RPGRIP1L: variants seen among roughly 807,000 people sequenced by gnomAD.
RPGRIP1L encodes protein fantom.
Under a neutral mutation model 160.4 loss-of-function variants are expected in RPGRIP1L, and 131 were observed. That is an observed-to-expected ratio of 0.82 (90% CI 0.71 to 0.94). The LOEUF (loss-of-function observed/expected upper bound fraction) is 0.94. Among genes scored for constraint, RPGRIP1L ranks in the 40% least tolerant of loss-of-function variants. The probability of loss-of-function intolerance (pLI) is 0.00; values close to 1 mark genes in which losing one functional copy is unlikely to be tolerated. For synonymous variants in RPGRIP1L, 510 were observed against 515.8 expected, an observed-to-expected ratio of 0.99 and a Z score of 0.15; for missense variants, 1,522 against 1,535.8, an observed-to-expected ratio of 0.99 and a Z score of 0.15.
In RPGRIP1L at chr16:53,648,964, C is replaced by T. The variant is rs770503381; in HGVS notation, c.2304G>A (p.Ser768=). 6.8e-5 allele frequency: 109 copies of T among 1,613,384 alleles called. No individual in the cohort carries two copies. Among genetic ancestry groups the T allele is most frequent in the South Asian group, 3.6e-4 (33 of 91,080 alleles). ...GGGTCTTAAAGCCAAATGAGCTTAC[C>T]GACTGCATATGCTCTGGCCCCTTAA... ...SNFKGPEHMQ[S]LSQQAPKTAQ... is the part of the protein sequence containing the mutation. Residue 768 remains serine, a splice_region_variant and synonymous_variant, in exon 16 of 27, where the codon TCG becomes TCA. Transcript: ENST00000647211.
intron 5 of RPGRIP1L, 52 bp from the exon 6 acceptor site, chr16:53,686,628 T>G (rs764165899): frequency 1.9e-6 from 3 of 1,590,448 alleles, no homozygotes; most frequent in Non-Finnish European, 2.6e-6. Flanking sequence ...AATTTTTCAA[T>G]AGTTAAGATC....
At chr16:53,680,704 G>A (rs1377483525) in intron 6 of RPGRIP1L, among the ~76,000 whole-genome samples, 7 of 152,082 alleles carry the variant, frequency 4.6e-5, no homozygotes, top group Admixed American at 4.6e-4. Context: ...TATGTAGGAG[G>A]ATGTCCTTGT....
At chr16:53,695,604 C>T (rs979160776) in intron 3 of RPGRIP1L, 1 of 577,144 alleles carries the variant, frequency 1.7e-6, no homozygotes, top group Non-Finnish European at 3.1e-6. Flanking sequence ...ATCATTTTTG[C>T]CAAGATTTTT....
Position 53,652,822 on chromosome 16 carries a change from T to C in RPGRIP1L, c.1865A>G (p.Gln622Arg), listed in dbSNP as rs1256127463. The change falls in exon 15 of 27, where the codon CAG becomes CGG. Residue 622 changes from glutamine (Q) to arginine (R), a missense_variant. Coordinates refer to ENST00000647211, the MANE Select transcript of RPGRIP1L (RefSeq NM_015272.5). ...NKVTFSSEVL[Q>R]ASGDKEPVTF... ...GACAGGCTCTTTATCTCCAGATGCC[T>C]GTAAAACTTCAGAAGAAAAGGTTAC... 1.9e-6 allele frequency: 3 copies of C among 1,613,572 alleles called. No individual in the cohort carries two copies. The highest frequency in any genetic ancestry group is 1.1e-5 in the South Asian group (1 of 90,944).
rs62048369 is a variant in RPGRIP1L, at chr16:53,703,648, G to A, written c.-8+155C>T. On this transcript the variant is annotated intron_variant, in intron 1 of 26. Transcript: ENST00000647211. Reference sequence around the variant, plus strand: ...GGCCTGAGGATGTGGAGGTGTCTTGGGCTGGGCTGCTTTCACGCCAGCAGA... The same window carrying A: ...GGCCTGAGGATGTGGAGGTGTCTTGAGCTGGGCTGCTTTCACGCCAGCAGA... 0.042 allele frequency: 8,952 copies of A among 212,652 alleles called. 314 individuals carry two copies. The highest frequency in any genetic ancestry group is 0.098 in the African/African-American group (4,321 of 44,182). The allele number at this position is 212,652 out of a possible 1,614,324, so 13.2% of individuals were successfully genotyped here.
At chr16:53,685,697 G>C (rs1969954554) in intron 6 of RPGRIP1L, among the ~76,000 whole-genome samples, 1 of 151,928 alleles carries the variant, frequency 6.6e-6, no homozygotes, top group Non-Finnish European at 1.5e-5. Context: ...ACACACACTG[G>C]GGCCTGTCGG....
Position 53,672,977 on chromosome 16 carries a change from C to A in RPGRIP1L, c.922G>T (p.Ala308Ser). 6.2e-7 allele frequency: 1 copy of A among 1,613,098 alleles called. No homozygotes were observed. The change falls in exon 8 of 27, where the codon GCA becomes TCA. Residue 308 changes from alanine (A) to serine (S), a missense_variant. Physicochemically the swap from Ala to Ser is moderately conservative, Grantham distance 99. Transcript: ENST00000647211. ...TLRISHDALM[A>S]NGDELNMQLK... ...TGCATGTTTAATTCATCCCCATTTG[C>A]CATCAAAGCATCGTGGCTGATTCTG...
chr16:53,691,920 T>G, intron 4 of RPGRIP1L, 146 bp downstream of exon 4: 1 of 758,164 alleles, frequency 1.3e-6, no homozygotes, highest in Non-Finnish European at 2.2e-6. Context: ...TCACTGACAA[T>G]ATTATTTTAT....
intron 6 of RPGRIP1L, among the ~76,000 whole-genome samples, chr16:53,679,435 T>A (rs553131841): frequency 1.3e-5 from 2 of 151,912 alleles, no homozygotes; most frequent in Non-Finnish European, 2.9e-5. Flanking sequence ...GGAGTCTCAC[T>A]CTGTCACCGA....
rs145554991 is a variant in RPGRIP1L, at chr16:53,675,755, T to C, written c.777-633A>G. The stretch of plus-strand genomic sequence containing the variant: ...GAGATCACTTGATGTCCACAGGGTA[T>C]ATAGAAACCTTATATGTTACAATAC... On this transcript the variant is annotated intron_variant, in intron 6 of 26. Transcript: ENST00000647211. Among the ~76,000 whole-genome samples the C allele has an allele frequency of 1.1e-4, 16 of 152,290 alleles. 1 individual carries two copies. In the East Asian group the frequency reaches 3.1e-3, roughly 29 times the overall value.
intron 6 of RPGRIP1L, among the ~76,000 whole-genome samples, chr16:53,686,139 T>C (rs1322900627): frequency 6.6e-6 from 1 of 152,144 alleles, no homozygotes; most frequent in African/African-American, 2.4e-5. Context: ...TATAATCAAA[T>C]GGTATCAGAA....
chr16:53,606,427 A>C (rs2150922985), intron 25 of RPGRIP1L, among the ~76,000 whole-genome samples: 1 of 152,328 alleles, frequency 6.6e-6, no homozygotes, highest in Middle Eastern at 3.4e-3. Flanking sequence ...CCCAAATCAG[A>C]AACAAAACAA....
intron 22 of RPGRIP1L, among the ~76,000 whole-genome samples, chr16:53,625,941 C>G (rs1271416010): frequency 6.6e-6 from 1 of 151,664 alleles, no homozygotes; most frequent in Non-Finnish European, 1.5e-5. Context: ...TGCTTGAAGG[C>G]AGCATGCTCG....
At chr16:53,638,124 T>G (rs988118018) in intron 20 of RPGRIP1L, among the ~76,000 whole-genome samples, 186 bp downstream of exon 20, 9 of 152,126 alleles carry the variant, frequency 5.9e-5, no homozygotes, top group African/African-American at 2.2e-4. Flanking sequence ...TATTCATATA[T>G]TACCTGTCAA....
intron 26 of RPGRIP1L, among the ~76,000 whole-genome samples, chr16:53,602,679 CAGGAGA>C (rs1963443361): frequency 6.6e-6 from 1 of 151,488 alleles, no homozygotes; most frequent in Non-Finnish European, 1.5e-5. Flanking sequence ...GAGGCTGAGG[CAGGAGA>C]ATCGCCTGAA....
At chr16:53,664,031 GC>G (rs1419524031) in intron 10 of RPGRIP1L, among the ~76,000 whole-genome samples, 2 of 152,146 alleles carry the variant, frequency 1.3e-5, no homozygotes, top group African/African-American at 2.4e-5. Context: ...ACATTCTCAT[GC>G]AACTGAATTG....
At chr16:53,636,213 G>A (rs1035816403) in intron 22 of RPGRIP1L, among the ~76,000 whole-genome samples, 1 of 151,940 alleles carries the variant, frequency 6.6e-6, no homozygotes, top group Non-Finnish European at 1.5e-5. Context: ...CAGATTTAAG[G>A]TACTCTTTGT....
In RPGRIP1L at chr16:53,645,840, G is replaced by A. The variant is rs932933680; in HGVS notation, c.2468C>T (p.Ala823Val). ...PYVVYKFFDF[A>V]DHDTAIIPSS... ...GGGAATGATAGCTGTATCATGGTCT[G>A]CAAAATCAAAAAACTTGTACACAAC... The change falls in exon 17 of 27, where the codon GCA becomes GTA. Residue 823 changes from alanine (A) to valine (V), a missense_variant. By Grantham distance (64) the Ala-to-Val change is moderately conservative. Transcript: ENST00000647211. 3.7e-6 allele frequency: 6 copies of A among 1,613,968 alleles called. No individual in the cohort carries two copies. The highest frequency in any genetic ancestry group is 5.1e-6 in the Non-Finnish European group (6 of 1,179,980).
chr16:53,671,899 T>C (rs1454458136), intron 8 of RPGRIP1L, among the ~76,000 whole-genome samples: 1 of 152,130 alleles, frequency 6.6e-6, no homozygotes, highest in Non-Finnish European at 1.5e-5. Flanking sequence ...AACATAGTAT[T>C]TTTTACTTTT....
Sources: allele counts gnomAD v4.1 joint callset (sites outside exome capture counted in the v4.1 genomes callset), GRCh38; gene constraint gnomAD v4.1.1; transcripts MANE v1.5; gene names NCBI Gene and HGNC (gene_info 2026-07-23, HGNC 2026-07-21).